ZNF184: variants seen among roughly 807,000 people sequenced by gnomAD.
ZNF184 encodes the protein zinc finger protein 184.
A neutral mutation model predicts 54.4 loss-of-function variants in ZNF184; 16 were observed. The ratio of observed to expected loss-of-function variants is 0.29; its 90% CI spans 0.20 to 0.45. The LOEUF (loss-of-function observed/expected upper bound fraction) is 0.45. Among genes scored for constraint, ZNF184 ranks in the 20% least tolerant of loss-of-function variants. The pLI is 1.00. For synonymous variants in ZNF184, 254 were observed against 295.3 expected, an observed-to-expected ratio of 0.86 and a Z score of 1.43; for missense variants, 681 against 888.2, an observed-to-expected ratio of 0.77 and a Z score of 2.97.
chr6:27,422,901 A>G, the ZNF184 span, among the ~76,000 whole-genome samples: 8 of 152,168 alleles, frequency 5.3e-5, no homozygotes, highest in Admixed American at 5.2e-4. Flanking sequence ...CGTCCGCCGG[A>G]TTCAGTGTCT....
downstream of ZNF184, among the ~76,000 whole-genome samples, chr6:27,450,508 G>A (rs1255221423): frequency 1.1e-4 from 16 of 151,996 alleles, no homozygotes; most frequent in Non-Finnish European, 5.9e-5. Flanking sequence ...AACGGAAATG[G>A]GCCTTCATCT....
At chr6:27,471,008 T>A (rs1763261698) in intron 2 of ZNF184, among the ~76,000 whole-genome samples, 1 of 152,146 alleles carries the variant, frequency 6.6e-6, no homozygotes, top group Non-Finnish European at 1.5e-5. Flanking sequence ...ATATGAATAA[T>A]GTTAAGACTT....
In ZNF184 at chr6:27,452,919, T is replaced by C. The variant is rs45553937; in HGVS notation, c.640A>G (p.Asn214Asp). 4,111 of 1,614,182 alleles carry C rather than the reference T, an allele frequency of 2.5e-3. 31 individuals are homozygous for C. Among genetic ancestry groups the C allele is most frequent in the Middle Eastern group, 7.1e-3 (43 of 6,062 alleles). Residue 214 changes from asparagine (N) to aspartate (D), a missense_variant, in exon 6 of 6, where the codon AAC becomes GAC. Asn to Asp is a conservative substitution (Grantham distance 23, BLOSUM62 1). Transcript: ENST00000683788. The surrounding 1 kb of genome is among the most constrained non-coding windows in gnomAD (Gnocchi z 5.5). Reference sequence around the variant, plus strand: ...CAAGATTTCTCTTTTTTAACTGGGTTTGAATTCTGTTTGATGCTTCTTTTA... The same window carrying C: ...CAAGATTTCTCTTTTTTAACTGGGTCTGAATTCTGTTTGATGCTTCTTTTA... ...STKRSIKQNS[N>D]PVKKEKSCKC...
the ZNF184 span, among the ~76,000 whole-genome samples, chr6:27,424,583 T>A: frequency 5.9e-5 from 9 of 152,120 alleles, no homozygotes; most frequent in Non-Finnish European, 1.0e-4. Context: ...CCCACCTGAG[T>A]AGCTAGATAC....
chr6:27,434,232 C>CT, the ZNF184 span, among the ~76,000 whole-genome samples: 1 of 152,156 alleles, frequency 6.6e-6, no homozygotes, highest in Non-Finnish European at 1.5e-5. Flanking sequence ...TCCTGTTTAA[C>CT]TTTTTTGAGG....
At chr6:27,438,780 G>A in the ZNF184 span, among the ~76,000 whole-genome samples, 1 of 152,048 alleles carries the variant, frequency 6.6e-6, no homozygotes, top group East Asian at 1.9e-4. Flanking sequence ...TATAATGTTA[G>A]TTATTTTTAG....
Position 27,451,343 on chromosome 6 carries a change from G to C in ZNF184, c.2216C>G (p.Ser739Cys). Reference sequence around the variant, plus strand: ...CAGTCTCTGATGTTTGTTGAGAGCAGAGCGATATCTGAAGGATTTTCCACA... The same window carrying C: ...CAGTCTCTGATGTTTGTTGAGAGCACAGCGATATCTGAAGGATTTTCCACA... ...NDCGKSFRYR[S>C]ALNKHQRLHP... Residue 739 changes from serine (S) to cysteine (C), a missense_variant, in exon 6 of 6, where the codon TCT becomes TGT. Transcript: ENST00000683788. The C allele has an allele frequency of 6.2e-7, 1 of 1,613,396 alleles. No individual in the cohort carries two copies.
the ZNF184 span, among the ~76,000 whole-genome samples, chr6:27,433,904 CTCTT>C: frequency 7.2e-5 from 9 of 125,810 alleles, no homozygotes; most frequent in Admixed American, 7.1e-4. Context: ...TCCTTTCTTT[CTCTT>C]TTTCTTTCTT....
chr6:27,463,113 C>T (rs1471164889), intron 3 of ZNF184, among the ~76,000 whole-genome samples: 23 of 93,458 alleles, frequency 2.5e-4, no homozygotes, highest in Admixed American at 1.2e-3. Flanking sequence ...CATCACACTC[C>T]GGGGACTGTT....
the ZNF184 span, among the ~76,000 whole-genome samples, chr6:27,425,750 ATCT>A: frequency 7.2e-5 from 11 of 152,300 alleles, no homozygotes; most frequent in Middle Eastern, 3.4e-3. Context: ...CTCCGCTGTC[ATCT>A]TCTTACTACT....
the ZNF184 span, among the ~76,000 whole-genome samples, chr6:27,413,323 A>G: frequency 6.6e-6 from 1 of 152,234 alleles, no homozygotes. Flanking sequence ...AGACAGTTAA[A>G]TCCATACCTT....
At chr6:27,406,211 C>A in the ZNF184 span, 3 of 152,198 alleles carry the variant, frequency 2.0e-5, no homozygotes, top group Non-Finnish European at 2.9e-5. Flanking sequence ...TCAAGTCCAC[C>A]ACACAGTGGC....
chr6:27,452,249 T>G lies in ZNF184; in HGVS notation c.1310A>C (p.Gln437Pro), dbSNP rs1762747952. 2 of 1,614,062 alleles carry G rather than the reference T, an allele frequency of 1.2e-6. No homozygotes were observed. The highest frequency in any genetic ancestry group is 1.7e-6 in the Non-Finnish European group (2 of 1,180,020). Residue 437 changes from glutamine to proline, a missense_variant, in exon 6 of 6, where the codon CAA becomes CCA. Gln to Pro is a moderately conservative substitution (Grantham distance 76). Transcript: ENST00000683788. This position sits in a 1 kb window ranked among gnomAD's most constrained non-coding sequence, Gnocchi z 5.5. Reference protein sequence around the residue: ...FSQHSNLTQHQKTHTGEKPYD... With the variant: ...FSQHSNLTQHPKTHTGEKPYD... The stretch of plus-strand genomic sequence containing the variant: ...GGGTTTCTCCCCAGTATGAGTTTTT[T>G]GATGCTGAGTGAGGTTTGAGTGCTG...
intron 3 of ZNF184, among the ~76,000 whole-genome samples, chr6:27,465,880 C>T (rs1351935879): frequency 6.6e-6 from 1 of 152,152 alleles, no homozygotes; most frequent in African/African-American, 2.4e-5. Context: ...ACACTATCAA[C>T]TAAGTTGACC....
intron 4 of ZNF184, 71 bp downstream of exon 4, chr6:27,457,212 C>G: frequency 1.3e-6 from 2 of 1,541,732 alleles, no homozygotes; most frequent in East Asian, 2.3e-5. Flanking sequence ...TAAAGGCAAA[C>G]TCCCCTGAGC....
chr6:27,422,148 A>AAAAAAAAGAAAGAAAG, the ZNF184 span, among the ~76,000 whole-genome samples: 1 of 43,456 alleles, frequency 2.3e-5, no homozygotes, highest in Middle Eastern at 0.019. Flanking sequence ...CTCAAAAAAA[A>AAAAAAAAGAAAGAAAG]AAAGAAAGAA....
the ZNF184 span, among the ~76,000 whole-genome samples, chr6:27,418,366 C>A: frequency 6.4e-4 from 97 of 152,166 alleles, no homozygotes; most frequent in Non-Finnish European, 1.2e-3. Context: ...TCCTTGAGTT[C>A]CAGGGTTTTT....
At position 27,452,282 on chromosome 6, in the gene ZNF184, G is replaced by A. The variant is rs143147469; in HGVS notation, c.1277C>T (p.Ala426Val). Residue 426 changes from alanine to valine, a missense_variant, in exon 6 of 6, where the codon GCC becomes GTC. Coordinates refer to ENST00000683788, the MANE Select transcript of ZNF184 (RefSeq NM_001318891.2). This position sits in a 1 kb window ranked among gnomAD's most constrained non-coding sequence, Gnocchi z 5.5. Reference sequence around the variant, plus strand: ...AGTGAGGTTTGAGTGCTGGCTGAAGGCTTTCCCACATTCATTGCATTCGTA... The same window carrying A: ...AGTGAGGTTTGAGTGCTGGCTGAAGACTTTCCCACATTCATTGCATTCGTA... ...KPYECNECGK[A>V]FSQHSNLTQH... is the part of the protein sequence containing the mutation. 6.2e-7 allele frequency: 1 copy of A among 1,614,066 alleles called. No homozygotes were observed. Among genetic ancestry groups the A allele is most frequent in the East Asian group, 2.2e-5 (1 of 44,882 alleles).
At position 27,472,221 on chromosome 6, in the gene ZNF184, T is replaced by C; in HGVS notation, c.7+67A>G. Reference sequence around the variant, plus strand: ...ATCTCCTGCTCTGATCTCAAGTATTTGATACTCCAGTCATGACTGTTCTCA... The same window carrying C: ...ATCTCCTGCTCTGATCTCAAGTATTCGATACTCCAGTCATGACTGTTCTCA... On this transcript the variant is annotated intron_variant, in intron 2 of 5. Coordinates refer to ENST00000683788, the MANE Select transcript of ZNF184 (RefSeq NM_001318891.2). This position sits in a 1 kb window ranked among gnomAD's most constrained non-coding sequence, Gnocchi z 4.8. 3.1e-6 allele frequency: 5 copies of C among 1,599,078 alleles called. No individual in the cohort carries two copies. The highest frequency in any genetic ancestry group is 3.4e-6 in the Non-Finnish European group (4 of 1,168,632).
Sources: allele counts gnomAD v4.1 joint callset (sites outside exome capture counted in the v4.1 genomes callset), GRCh38; gene constraint gnomAD v4.1.1; non-coding constraint Gnocchi (gnomAD v3.1); transcripts MANE v1.5; gene names NCBI Gene and HGNC (gene_info 2026-07-23, HGNC 2026-07-21).